Variants in SDK2 observed in about 807,000 individuals in gnomAD.
SDK2 encodes the protein sidekick cell adhesion molecule 2, also known as protein sidekick-2.
SDK2 carries 105 observed loss-of-function variants against 253.9 expected under a neutral mutation model. That is an observed-to-expected ratio of 0.41 (90% CI 0.35 to 0.49). The LOEUF (loss-of-function observed/expected upper bound fraction) is 0.49. Among genes scored for constraint, SDK2 ranks in the 20% least tolerant of loss-of-function variants. The probability of loss-of-function intolerance (pLI) is 0.06; values close to 1 mark genes in which losing one functional copy is unlikely to be tolerated. For missense variants in SDK2, 2,608 were observed against 3,003.0 expected, an observed-to-expected ratio of 0.87 and a Z score of 3.07; for synonymous variants, 1,249 against 1,234.9, an observed-to-expected ratio of 1.01 and a Z score of -0.24.
At chr17:73,387,382 T>C (rs1192160802) in intron 30 of SDK2, among the ~76,000 whole-genome samples, 1 of 151,492 alleles carries the variant, frequency 6.6e-6, no homozygotes, top group African/African-American at 2.4e-5. Context: ...TTATGGGGGG[T>C]GGGAGAGGTG....
intron 1 of SDK2, among the ~76,000 whole-genome samples, chr17:73,560,700 T>A (rs62070893): frequency 0.012 from 1,797 of 151,926 alleles, 11 homozygotes; most frequent in Non-Finnish European, 0.02. Flanking sequence ...AGCAGCTGTT[T>A]ACCAGCTGTG....
chr17:73,569,478 G>A (rs61185600), intron 1 of SDK2, among the ~76,000 whole-genome samples: 32,614 of 151,806 alleles, frequency 0.21, 3,861 homozygotes, highest in African/African-American at 0.32. Flanking sequence ...GATTACAGGC[G>A]TGAGGCACCG....
At chr17:73,342,335 C>T (rs992865055) in intron 44 of SDK2, among the ~76,000 whole-genome samples, 1 of 152,154 alleles carries the variant, frequency 6.6e-6, no homozygotes, top group African/African-American at 2.4e-5. Flanking sequence ...AATACAAGCC[C>T]CTTTCTGTGC....
intron 2 of SDK2, among the ~76,000 whole-genome samples, chr17:73,486,120 G>A (rs567093892): frequency 1.3e-5 from 2 of 152,184 alleles, no homozygotes; most frequent in Non-Finnish European, 2.9e-5. Context: ...GGGGTAGGCG[G>A]CAGTTTCAGT....
At chr17:73,492,808 A>G (rs552500633) in intron 2 of SDK2, among the ~76,000 whole-genome samples, 12 of 152,180 alleles carry the variant, frequency 7.9e-5, no homozygotes, top group African/African-American at 2.4e-4. Flanking sequence ...GAGGAATCCT[A>G]TGAATGGGCT....
intron 2 of SDK2, among the ~76,000 whole-genome samples, chr17:73,486,869 G>A (rs796666189): frequency 2.6e-5 from 4 of 152,296 alleles, no homozygotes; most frequent in African/African-American, 9.6e-5. Flanking sequence ...CATCTGTTGA[G>A]GATGAGTAAC....
At chr17:73,571,951 G>A (rs532049899) in intron 1 of SDK2, among the ~76,000 whole-genome samples, 11 of 152,170 alleles carry the variant, frequency 7.2e-5, no homozygotes, top group African/African-American at 9.7e-5. Flanking sequence ...AGGAGCGCCC[G>A]CGGGGCCAGC....
Position 73,467,777 on chromosome 17 carries a change from G to A in SDK2, c.331+4335C>T, listed in dbSNP as rs1164114584. Among the ~76,000 whole-genome samples, 1 of 152,200 alleles carries A rather than the reference G, an allele frequency of 6.6e-6. No individual in the cohort carries two copies. Among genetic ancestry groups the A allele is most frequent in the Non-Finnish European group, 1.5e-5 (1 of 68,036 alleles). On this transcript the variant is annotated intron_variant, in intron 3 of 44. Coordinates refer to ENST00000392650, the MANE Select transcript of SDK2 (RefSeq NM_001144952.2). This position sits in a 1 kb window ranked among gnomAD's most constrained non-coding sequence, Gnocchi z 4.1. Reference sequence around the variant, plus strand: ...TCCTGGCTTTAGGGCCCAAAGGGCTGTGGACTGTGGTTACCACTTCACGAC... The same window carrying A: ...TCCTGGCTTTAGGGCCCAAAGGGCTATGGACTGTGGTTACCACTTCACGAC...
chr17:73,398,467 A>C (rs1054588925), intron 22 of SDK2, 38 bp from the exon 23 acceptor site: 8 of 1,566,548 alleles, frequency 5.1e-6, no homozygotes, highest in Non-Finnish European at 7.0e-6. Flanking sequence ...TCCAGCCTAC[A>C]GGGCCCACAC....
intron 32 of SDK2, 43 bp from the exon 33 acceptor site, chr17:73,384,054 C>T: frequency 6.3e-7 from 1 of 1,596,066 alleles, no homozygotes; most frequent in Middle Eastern, 1.7e-4. Flanking sequence ...CCTGGACCAC[C>T]ACCCACCCCT....
At chr17:73,584,579 C>T (rs2045579803) in intron 1 of SDK2, among the ~76,000 whole-genome samples, 1 of 152,236 alleles carries the variant, frequency 6.6e-6, no homozygotes, top group Admixed American at 6.5e-5. Context: ...ACCCAGGGAG[C>T]ACCTTCTGGG....
intron 40 of SDK2, among the ~76,000 whole-genome samples, chr17:73,356,645 G>C (rs966334867): frequency 6.6e-6 from 1 of 152,190 alleles, no homozygotes; most frequent in East Asian, 1.9e-4. Context: ...ACAGCAGCCT[G>C]CTCTCAAACA....
At chr17:73,425,989 C>T (rs977825003) in intron 12 of SDK2, among the ~76,000 whole-genome samples, 6 of 152,082 alleles carry the variant, frequency 3.9e-5, no homozygotes, top group Non-Finnish European at 8.8e-5. Context: ...TTAAATGATA[C>T]AGTATATTTA....
intron 1 of SDK2, among the ~76,000 whole-genome samples, chr17:73,560,369 C>A (rs926057424): frequency 5.3e-5 from 8 of 152,106 alleles, no homozygotes; most frequent in Non-Finnish European, 1.2e-4. Context: ...TGAGACGGAG[C>A]CTTGCTCTGT....
intron 2 of SDK2, among the ~76,000 whole-genome samples, chr17:73,486,422 A>C (rs1462207498): frequency 6.6e-6 from 1 of 152,084 alleles, no homozygotes; most frequent in Non-Finnish European, 1.5e-5. Flanking sequence ...CAACCTGGGC[A>C]ACATAGCAAG....
chr17:73,381,907 CA>C lies in SDK2; in HGVS notation c.4706-958del, dbSNP rs1019921658. Among the ~76,000 whole-genome samples the C allele has an allele frequency of 2.9e-4, 43 of 147,744 alleles. 1 individual carries two copies. The Middle Eastern group carries it at 0.011, about 39-fold the overall frequency. On this transcript the variant is annotated intron_variant, in intron 33 of 44. Transcript: ENST00000392650. ...AGACTCTGTCTCAAAAAACAAAAAACAAAAAAACAAAAAACAAAAAACAAAA... is the reference window on the plus strand; with the variant it reads ...AGACTCTGTCTCAAAAAACAAAAAACAAAAAACAAAAAACAAAAAACAAAA...
rs539853362 is a variant in SDK2, at chr17:73,419,282, G to T, written c.2070C>A (p.Pro690=). The T allele has an allele frequency of 1.2e-4, 191 of 1,612,594 alleles. No homozygotes were observed. The highest frequency in any genetic ancestry group is 1.5e-4 in the Non-Finnish European group (180 of 1,179,666). ...CGATGACGTTCTGTGGAGGGGCCGT[G>T]GGGGGCTCCTCGGGGAGGGAGACCC... is the stretch of plus-strand genomic sequence containing the variant. ...TERVSLPEEP[P]TAPPQNVIAS... is the part of the protein sequence containing the mutation. Residue 690 remains proline (P), a synonymous_variant, in exon 16 of 45, where the codon CCC becomes CCA. Transcript: ENST00000392650.
chr17:73,410,098 CCT>C (rs1204999910), intron 18 of SDK2, among the ~76,000 whole-genome samples: 4 of 152,318 alleles, frequency 2.6e-5, no homozygotes, highest in Non-Finnish European at 4.4e-5. Flanking sequence ...AAGAGATCCC[CCT>C]GTCTTGGCCT....
At chr17:73,398,656 T>C (rs762434944) in intron 22 of SDK2, among the ~76,000 whole-genome samples, 42 of 152,242 alleles carry the variant, frequency 2.8e-4, no homozygotes, top group Non-Finnish European at 5.1e-4. Flanking sequence ...AATATATTCC[T>C]GGATTCTGGA....
Sources: gnomAD v4.1 joint callset for allele counts (sites outside exome capture counted in the v4.1 genomes callset) on GRCh38, gnomAD v4.1.1 for gene constraint, Gnocchi (gnomAD v3.1) non-coding constraint, MANE v1.5 for transcripts, NCBI Gene and HGNC (gene_info 2026-07-23, HGNC 2026-07-21) for gene names.